The following FSTL4 variants were observed in gnomAD, a reference collection of about 807,000 sequenced individuals.
FSTL4 encodes follistatin like 4, also known as follistatin-related protein 4.
Under a neutral mutation model 78.2 loss-of-function variants are expected in FSTL4, and 28 were observed. The ratio of observed to expected loss-of-function variants is 0.36; its 90% CI spans 0.27 to 0.49. FSTL4 has a LOEUF of 0.49. Ranked by LOEUF, FSTL4 falls within the 20% of genes least tolerant of loss-of-function variation. The pLI is 0.98. For synonymous variants in FSTL4, 422 were observed against 440.5 expected (o/e 0.96, Z 0.53); for missense variants, 922 against 1,084.9 (o/e 0.85, Z 2.11).
intron 3 of FSTL4, among the ~76,000 whole-genome samples, chr5:133,539,717 T>C (rs1213268740): frequency 6.6e-6 from 1 of 152,180 alleles, no homozygotes; most frequent in Non-Finnish European, 1.5e-5. Flanking sequence ...CCATGTTAAG[T>C]AGTTTTCTCA....
chr5:133,797,192 C>T, the FSTL4 span, among the ~76,000 whole-genome samples: 3 of 152,222 alleles, frequency 2.0e-5, no homozygotes, highest in South Asian at 2.1e-4. Context: ...GCAGGAGTTA[C>T]AGGCAAAGAC....
chr5:133,794,198 G>C, the FSTL4 span, among the ~76,000 whole-genome samples: 2 of 152,378 alleles, frequency 1.3e-5, no homozygotes, highest in African/African-American at 4.8e-5. Flanking sequence ...GCAGTGACAA[G>C]GCCAAGAGAG....
At chr5:133,617,706 T>A in the FSTL4 span, among the ~76,000 whole-genome samples, 7 of 152,186 alleles carry the variant, frequency 4.6e-5, no homozygotes, top group African/African-American at 1.7e-4. Context: ...TGTTAGCTTA[T>A]AAACTTTGCC....
chr5:133,747,171 C>T, the FSTL4 span, among the ~76,000 whole-genome samples: 1 of 152,192 alleles, frequency 6.6e-6, no homozygotes, highest in South Asian at 2.1e-4. Flanking sequence ...TGCCTGGGAC[C>T]TCCTGCCCTT....
upstream of FSTL4, among the ~76,000 whole-genome samples, chr5:133,616,973 C>G (rs946390735): frequency 2.6e-5 from 4 of 152,086 alleles, no homozygotes; most frequent in African/African-American, 9.7e-5. Flanking sequence ...AGAGCCAGTT[C>G]CCCTCTGCTG....
At chr5:133,817,853 C>T in the FSTL4 span, among the ~76,000 whole-genome samples, 2 of 152,178 alleles carry the variant, frequency 1.3e-5, no homozygotes, top group Non-Finnish European at 2.9e-5. Context: ...TTTCCATACC[C>T]TAAGTCACAT....
chr5:133,737,923 A>G, the FSTL4 span, among the ~76,000 whole-genome samples: 10 of 151,996 alleles, frequency 6.6e-5, no homozygotes, highest in Admixed American at 6.6e-4. Flanking sequence ...TCTTTTGGGT[A>G]TATGCCCGGT....
intron 6 of FSTL4, among the ~76,000 whole-genome samples, chr5:133,258,188 A>G (rs778389245): frequency 1.6e-4 from 24 of 152,300 alleles, no homozygotes; most frequent in Non-Finnish European, 2.8e-4. Context: ...GGTAGGTGAT[A>G]GGAGGTGACC....
the FSTL4 span, among the ~76,000 whole-genome samples, chr5:133,836,377 CTAAAG>C: frequency 5.8e-3 from 876 of 152,170 alleles, 2 homozygotes; most frequent in Admixed American, 8.7e-3. Flanking sequence ...TTGTTAAAGC[CTAAAG>C]TAAATTAGTA....
At chr5:133,260,854 G>T (rs1050845995) in intron 6 of FSTL4, among the ~76,000 whole-genome samples, 2 of 152,220 alleles carry the variant, frequency 1.3e-5, no homozygotes, top group Non-Finnish European at 2.9e-5. Flanking sequence ...GTTTGGAAGA[G>T]CCTCATCCCT....
chr5:133,799,983 C>A, the FSTL4 span, among the ~76,000 whole-genome samples: 1 of 139,290 alleles, frequency 7.2e-6, no homozygotes, highest in African/African-American at 2.6e-5. Flanking sequence ...ACATCCCTGC[C>A]TGCTGGAGGA....
At chr5:133,482,063 T>G (rs1051602094) in intron 3 of FSTL4, among the ~76,000 whole-genome samples, 3 of 152,246 alleles carry the variant, frequency 2.0e-5, no homozygotes, top group Admixed American at 2.0e-4. Flanking sequence ...TGCCTGCAGA[T>G]GCAGTGCCAG....
At chr5:133,811,313 G>C in the FSTL4 span, among the ~76,000 whole-genome samples, 27 of 152,166 alleles carry the variant, frequency 1.8e-4, no homozygotes, top group Admixed American at 1.3e-3. Context: ...TTCATACCTA[G>C]GGGGCCCTTT....
intron 4 of FSTL4, among the ~76,000 whole-genome samples, chr5:133,344,453 A>C (rs1754654215): frequency 6.6e-6 from 1 of 152,240 alleles, no homozygotes; most frequent in African/African-American, 2.4e-5. Flanking sequence ...AGATACAGTG[A>C]ACCTCACGGC....
chr5:133,459,952 C>T (rs192077905), intron 3 of FSTL4, among the ~76,000 whole-genome samples: 5 of 152,284 alleles, frequency 3.3e-5, no homozygotes, highest in Non-Finnish European at 5.9e-5. Flanking sequence ...GATCTGGAGG[C>T]AGGAAACACA....
the FSTL4 span, among the ~76,000 whole-genome samples, chr5:133,765,581 A>C: frequency 6.6e-6 from 1 of 152,204 alleles, no homozygotes; most frequent in African/African-American, 2.4e-5. Flanking sequence ...GCAATGGAAG[A>C]AGTCTGGCTA....
chr5:133,492,750 T>A lies in FSTL4; in HGVS notation c.160+74436A>T, dbSNP rs1056754524. 3.9e-5 allele frequency among the ~76,000 whole-genome samples: 6 copies of A among 152,302 alleles called. No individual in the cohort carries two copies. The East Asian group carries it at 7.7e-4, about 20-fold the overall frequency. On this transcript the variant is annotated intron_variant, in intron 3 of 15. Coordinates refer to ENST00000265342, the MANE Select transcript of FSTL4 (RefSeq NM_015082.2). ...TTGGAAAAGGTCTAGCTATTATCAT[T>A]TCCAGTGTTTCTTCTCCCTCACTTC...
In FSTL4 at chr5:133,338,136, A is replaced by C. The variant is rs993203715; in HGVS notation, c.410-21484T>G. ...GGTCTCCCAGGTCACCCATGGGGAG[A>C]TGTCTGATTGGCAGGTGTAAATGTC... On this transcript the variant is annotated intron_variant, in intron 4 of 15. Coordinates refer to ENST00000265342, the MANE Select transcript of FSTL4 (RefSeq NM_015082.2). The surrounding 1 kb of genome is among the most constrained non-coding windows in gnomAD (Gnocchi z 4.0). Among the ~76,000 whole-genome samples, 2 of 151,998 alleles carry C rather than the reference A, an allele frequency of 1.3e-5. No homozygotes were observed. Among genetic ancestry groups the C allele is most frequent in the Non-Finnish European group, 2.9e-5 (2 of 67,996 alleles).
chr5:133,567,733 C>T (rs749506977), intron 2 of FSTL4, among the ~76,000 whole-genome samples: 2 of 152,214 alleles, frequency 1.3e-5, no homozygotes, highest in Non-Finnish European at 2.9e-5. Context: ...GGGTGAGATC[C>T]TATGAACAAT....
Sources: gnomAD v4.1 joint callset for allele counts (sites outside exome capture counted in the v4.1 genomes callset) on GRCh38, gnomAD v4.1.1 for gene constraint, Gnocchi (gnomAD v3.1) non-coding constraint, MANE v1.5 for transcripts, NCBI Gene and HGNC (gene_info 2026-07-23, HGNC 2026-07-21) for gene names.